Variants in APP observed in about 807,000 individuals in gnomAD.
APP encodes amyloid-beta precursor protein.
Under a neutral mutation model 101.4 loss-of-function variants are expected in APP, and 31 were observed. The ratio of observed to expected loss-of-function variants is 0.31; its 90% CI spans 0.23 to 0.41. The LOEUF (loss-of-function observed/expected upper bound fraction) is 0.41, where lower values mean the gene tolerates loss of function less well. APP is among the 10% of genes least tolerant of loss of function. The probability of loss-of-function intolerance (pLI) is 1.00; values close to 1 mark genes in which losing one functional copy is unlikely to be tolerated. For missense variants in APP, 839 were observed against 1,003.7 expected, an observed-to-expected ratio of 0.84 and a Z score of 2.22; for synonymous variants, 366 against 364.4, an observed-to-expected ratio of 1.00 and a Z score of -0.05.
intron 1 of APP, among the ~76,000 whole-genome samples, chr21:26,145,209 C>T (rs189390765): frequency 6.6e-6 from 1 of 152,244 alleles, no homozygotes; most frequent in Non-Finnish European, 1.5e-5. Flanking sequence ...TCAAGATGTG[C>T]CAAGAGGGAG....
chr21:26,056,709 A>T (rs936597946), intron 3 of APP, among the ~76,000 whole-genome samples: 1 of 152,234 alleles, frequency 6.6e-6, no homozygotes, highest in South Asian at 2.1e-4. Context: ...AAAGCTAAGA[A>T]ATATGTGTCC....
At chr21:25,973,896 C>T (rs542588510) in intron 11 of APP, among the ~76,000 whole-genome samples, 2 of 147,654 alleles carry the variant, frequency 1.4e-5, no homozygotes, top group South Asian at 4.3e-4. Flanking sequence ...GCTGAGATTG[C>T]ACCACTGCAC....
chr21:26,150,606 C>CAGATAGATAGAT (rs775175694), intron 1 of APP, among the ~76,000 whole-genome samples: 13,577 of 148,576 alleles, frequency 0.091, 689 homozygotes, highest in Admixed American at 0.11. Flanking sequence ...TCTAGATAGA[C>CAGATAGATAGAT]AGATAGATAG....
At chr21:26,106,810 C>A (rs1343542840) in intron 2 of APP, among the ~76,000 whole-genome samples, 2 of 152,164 alleles carry the variant, frequency 1.3e-5, no homozygotes, top group Non-Finnish European at 1.5e-5. Flanking sequence ...GCCTCTAGGT[C>A]TTTCCTCCAG....
upstream of APP, chr21:26,170,829 C>T (rs201592736): frequency 3.6e-4 from 186 of 509,914 alleles, no homozygotes; most frequent in Non-Finnish European, 3.5e-4. Flanking sequence ...CCGGCCCACC[C>T]CGCTCGGCAC....
At chr21:26,170,889 C>G (rs1038751867), upstream of APP, 2 of 360,066 alleles carry the variant, frequency 5.6e-6, no homozygotes, top group East Asian at 9.0e-5. Context: ...CCGCTCGCGC[C>G]GGGAGGGGCC....
At chr21:26,151,670 G>A (rs455047) in intron 1 of APP, among the ~76,000 whole-genome samples, 5 of 151,814 alleles carry the variant, frequency 3.3e-5, no homozygotes, top group Non-Finnish European at 7.4e-5. Context: ...AGTGTGCAAC[G>A]CAGCTCTCAC....
chr21:25,937,403 A>G (rs1427736672), intron 13 of APP, among the ~76,000 whole-genome samples: 1 of 152,182 alleles, frequency 6.6e-6, no homozygotes, highest in Non-Finnish European at 1.5e-5. Context: ...ATTTCTGTCA[A>G]TTCTCTAAAA....
chr21:26,158,782 C>T (rs2063426038), intron 1 of APP, among the ~76,000 whole-genome samples: 1 of 152,194 alleles, frequency 6.6e-6, no homozygotes, highest in Non-Finnish European at 1.5e-5. Flanking sequence ...CCCTCCCCAC[C>T]CCAGTTCACC....
At chr21:26,084,136 G>A (rs1568953095) in intron 3 of APP, among the ~76,000 whole-genome samples, 1 of 151,260 alleles carries the variant, frequency 6.6e-6, no homozygotes. Context: ...TCAAGCAGGA[G>A]CCAATGCAAT....
chr21:26,085,889 C>T (rs1002654217), intron 3 of APP, among the ~76,000 whole-genome samples: 12 of 152,230 alleles, frequency 7.9e-5, no homozygotes, highest in Non-Finnish European at 1.2e-4. Flanking sequence ...GTCATTACTA[C>T]TTACACATTT....
chr21:25,997,265 C>T (rs1336672923), intron 8 of APP, 95 bp downstream of exon 8: 11 of 1,241,738 alleles, frequency 8.9e-6, no homozygotes, highest in Non-Finnish European at 1.3e-5. Flanking sequence ...TCAAGAAACA[C>T]AAAACCATGC....
At chr21:25,981,553 T>A (rs997755862) in intron 9 of APP, among the ~76,000 whole-genome samples, 5 of 152,248 alleles carry the variant, frequency 3.3e-5, no homozygotes, top group Non-Finnish European at 7.3e-5. Context: ...AAATCCTCCA[T>A]ATTATCAAAC....
intron 2 of APP, among the ~76,000 whole-genome samples, chr21:26,090,418 G>C (rs1398464947): frequency 1.3e-5 from 2 of 152,118 alleles, no homozygotes; most frequent in East Asian, 1.9e-4. Flanking sequence ...TCCACTAAGA[G>C]TCAAGCCTGC....
chr21:26,048,173 AT>A (rs2045688322), intron 5 of APP, among the ~76,000 whole-genome samples: 1 of 151,942 alleles, frequency 6.6e-6, no homozygotes, highest in East Asian at 1.9e-4. Context: ...AAAAAAAAAA[AT>A]TAGCTGGGCA....
chr21:26,029,610 A>G (rs1241372732), intron 5 of APP, among the ~76,000 whole-genome samples: 2 of 152,100 alleles, frequency 1.3e-5, no homozygotes, highest in Non-Finnish European at 2.9e-5. Flanking sequence ...GCCCGGTGAC[A>G]GGAGGGAGGG....
chr21:26,122,486 G>A (rs985769909), intron 1 of APP, among the ~76,000 whole-genome samples: 2 of 152,164 alleles, frequency 1.3e-5, no homozygotes, highest in African/African-American at 4.8e-5. Flanking sequence ...TACCCACTAA[G>A]CTTGGAGGCC....
chr21:25,951,998 A>G (rs1247811868), intron 13 of APP, among the ~76,000 whole-genome samples: 1 of 152,200 alleles, frequency 6.6e-6, no homozygotes, highest in African/African-American at 2.4e-5. Flanking sequence ...GATAGTGTAC[A>G]GGGTTCGTTA....
chr21:26,136,262 G>A (rs2146292664), intron 1 of APP, among the ~76,000 whole-genome samples: 1 of 152,158 alleles, frequency 6.6e-6, no homozygotes, highest in East Asian at 1.9e-4. Flanking sequence ...CTCTCACTCT[G>A]CACGCCACTG....
Sources: gnomAD v4.1 joint callset for allele counts (sites outside exome capture counted in the v4.1 genomes callset) on GRCh38, gnomAD v4.1.1 for gene constraint, MANE v1.5 for transcripts, NCBI Gene and HGNC (gene_info 2026-07-23, HGNC 2026-07-21) for gene names.